Variants in BMERB1 observed in about 807,000 individuals in gnomAD.
BMERB1 encodes bMERB domain containing 1, also known as bMERB domain-containing protein 1.
In BMERB1, 12 loss-of-function variants were observed where a neutral mutation model predicts 23.6. The ratio of observed to expected loss-of-function variants is 0.51; its 90% confidence interval spans 0.33 to 0.82. BMERB1 has a LOEUF of 0.82. Ranked by LOEUF, BMERB1 falls within the 40% of genes least tolerant of loss-of-function variation. The pLI is 0.03. For synonymous variants in BMERB1, 122 were observed against 96.6 expected, an observed-to-expected ratio of 1.26 and a Z score of -1.54; for missense variants, 247 against 255.4, an observed-to-expected ratio of 0.97 and a Z score of 0.22.
intron 1 of BMERB1, among the ~76,000 whole-genome samples, chr16:15,454,787 G>A (rs964940952): frequency 1.2e-4 from 4 of 32,320 alleles, no homozygotes; most frequent in South Asian, 4.8e-3. Flanking sequence ...GTGAGACTCA[G>A]TCTAAAAAAA....
chr16:15,524,687 C>G (rs1237164904), intron 2 of BMERB1, among the ~76,000 whole-genome samples: 2 of 152,184 alleles, frequency 1.3e-5, no homozygotes, highest in Non-Finnish European at 2.9e-5. Flanking sequence ...ACAAGAGTTG[C>G]TTTAACCTGG....
intron 3 of BMERB1, among the ~76,000 whole-genome samples, chr16:15,575,293 C>T (rs541647095): frequency 6.6e-6 from 1 of 152,126 alleles, no homozygotes; most frequent in Non-Finnish European, 1.5e-5. Context: ...ACAACTCAGA[C>T]ATATATGCTA....
rs555756030 is a variant in BMERB1, at chr16:15,539,182, G to C, written c.230+23754G>C. Among the ~76,000 whole-genome samples, 4 of 152,300 alleles carry C rather than the reference G, an allele frequency of 2.6e-5. No homozygotes were observed. In the East Asian group the frequency reaches 7.7e-4, roughly 29 times the overall value. On this transcript the variant is annotated intron_variant, in intron 2 of 5. Transcript: ENST00000300006. ...ATGGTCCCATCTGTGGGCGATGGGAGAGAGTGGCAGATCATCAGGCATTAG... is the reference window on the plus strand; with the variant it reads ...ATGGTCCCATCTGTGGGCGATGGGACAGAGTGGCAGATCATCAGGCATTAG...
At chr16:15,494,236 A>T (rs73505568) in intron 1 of BMERB1, among the ~76,000 whole-genome samples, 4,258 of 152,214 alleles carry the variant, frequency 0.028, 183 homozygotes, top group South Asian at 0.11. Context: ...TAGGTTTATC[A>T]ATTTCCACAA....
At chr16:15,542,949 G>C (rs1189272598) in intron 2 of BMERB1, among the ~76,000 whole-genome samples, 2 of 152,186 alleles carry the variant, frequency 1.3e-5, no homozygotes, top group African/African-American at 4.8e-5. Flanking sequence ...GCTGTACGCA[G>C]ATGACTAAGT....
intron 1 of BMERB1, among the ~76,000 whole-genome samples, chr16:15,506,621 C>A (rs1166169156): frequency 1.3e-5 from 2 of 152,156 alleles, no homozygotes; most frequent in Non-Finnish European, 2.9e-5. Flanking sequence ...GACTCCTCAA[C>A]CATCACGATT....
intron 1 of BMERB1, among the ~76,000 whole-genome samples, chr16:15,468,395 T>G (rs1466585774): frequency 1.3e-5 from 2 of 152,050 alleles, no homozygotes; most frequent in Middle Eastern, 3.2e-3. Flanking sequence ...ATCCACCCAC[T>G]TGTCTTCCCA....
chr16:15,466,132 T>C (rs2051178064), intron 1 of BMERB1, among the ~76,000 whole-genome samples: 1 of 152,170 alleles, frequency 6.6e-6, no homozygotes, highest in African/African-American at 2.4e-5. Flanking sequence ...AGTATGCACA[T>C]ACTAAACTTC....
At chr16:15,576,734 A>T (rs912016401) in intron 3 of BMERB1, among the ~76,000 whole-genome samples, 1 of 148,670 alleles carries the variant, frequency 6.7e-6, no homozygotes, top group East Asian at 1.9e-4. Context: ...TTTGCCTCTT[A>T]GCTTCTGGTA....
intron 1 of BMERB1, among the ~76,000 whole-genome samples, chr16:15,455,122 A>G (rs2051073733): frequency 6.6e-6 from 1 of 152,028 alleles, no homozygotes; most frequent in Non-Finnish European, 1.5e-5. Flanking sequence ...ACCTGAGGTC[A>G]GGAGTTCAGC....
At chr16:15,546,122 T>C (rs2029903565) in intron 2 of BMERB1, among the ~76,000 whole-genome samples, 1 of 152,096 alleles carries the variant, frequency 6.6e-6, no homozygotes, top group Admixed American at 6.5e-5. Flanking sequence ...ACCCCCTCTC[T>C]ATAAAAAATA....
intron 2 of BMERB1, among the ~76,000 whole-genome samples, chr16:15,538,348 G>C (rs1457112646): frequency 6.6e-6 from 1 of 152,084 alleles, no homozygotes; most frequent in Non-Finnish European, 1.5e-5. Context: ...AGCTACTTGG[G>C]AGGCTGAGGC....
At chr16:15,529,325 G>A (rs12933773) in intron 2 of BMERB1, among the ~76,000 whole-genome samples, 1 of 151,818 alleles carries the variant, frequency 6.6e-6, no homozygotes, top group Non-Finnish European at 1.5e-5. Flanking sequence ...CGCGCCCGGC[G>A]GTGTTTGTTG....
intron 2 of BMERB1, among the ~76,000 whole-genome samples, chr16:15,521,811 G>A (rs1054343858): frequency 6.6e-6 from 1 of 152,100 alleles, no homozygotes; most frequent in South Asian, 2.1e-4. Flanking sequence ...TGCTTGAAAC[G>A]CCTGTGTTTT....
chr16:15,468,392 C>G (rs1408187251), intron 1 of BMERB1, among the ~76,000 whole-genome samples: 2 of 151,938 alleles, frequency 1.3e-5, no homozygotes, highest in South Asian at 4.2e-4. Context: ...GTGATCCACC[C>G]ACTTGTCTTC....
At chr16:15,453,376 A>G (rs1203171788) in intron 1 of BMERB1, among the ~76,000 whole-genome samples, 9 of 152,190 alleles carry the variant, frequency 5.9e-5, no homozygotes, top group African/African-American at 1.9e-4. Context: ...CCAGGAGTTC[A>G]AGGCCAGCTT....
intron 1 of BMERB1, among the ~76,000 whole-genome samples, chr16:15,460,948 G>T (rs1481478593): frequency 2.0e-5 from 3 of 151,934 alleles, no homozygotes; most frequent in Non-Finnish European, 2.9e-5. Context: ...ATATGGTGAA[G>T]CCCATTTTCT....
At chr16:15,448,596 C>A (rs1291986042) in intron 1 of BMERB1, among the ~76,000 whole-genome samples, 1 of 152,134 alleles carries the variant, frequency 6.6e-6, no homozygotes, top group Non-Finnish European at 1.5e-5. Context: ...GGGTTCAAGA[C>A]CAGCCTGGGA....
chr16:15,499,434 C>T (rs755853940), intron 1 of BMERB1, among the ~76,000 whole-genome samples: 4 of 151,872 alleles, frequency 2.6e-5, no homozygotes, highest in Admixed American at 1.3e-4. Context: ...AAAAAGTCAA[C>T]GGCATCAAAT....
Sources: allele counts gnomAD v4.1 joint callset (sites outside exome capture counted in the v4.1 genomes callset), GRCh38; gene constraint gnomAD v4.1.1; transcripts MANE v1.5; gene names NCBI Gene and HGNC (gene_info 2026-07-23, HGNC 2026-07-21).